Variants in SLC23A2 observed in about 807,000 individuals in gnomAD.
SLC23A2 encodes solute carrier family 23 member 2.
Under a neutral mutation model 73.3 loss-of-function variants are expected in SLC23A2, and 36 were observed. The ratio of observed to expected loss-of-function variants is 0.49; its 90% CI spans 0.38 to 0.65. SLC23A2 has a LOEUF of 0.65. Ranked by LOEUF, SLC23A2 falls within the 30% of genes least tolerant of loss-of-function variation. The probability of loss-of-function intolerance (pLI) is 0.00; values close to 1 mark genes in which losing one functional copy is unlikely to be tolerated. For missense variants in SLC23A2, 507 were observed against 841.6 expected, an observed-to-expected ratio of 0.60 and a Z score of 4.92; for synonymous variants, 343 against 327.3, an observed-to-expected ratio of 1.05 and a Z score of -0.52.
In SLC23A2 at chr20:4,862,963, G is replaced by GT. The variant is rs1930037520; in HGVS notation, c.1357-57dup. ...GGACTCATCTCCATGCAAAATCACC[G>GT]TAAGTTACTAAAGAACACACAGCAG... On this transcript the variant is annotated intron_variant, in intron 13 of 16. Coordinates refer to ENST00000338244, the MANE Select transcript of SLC23A2 (RefSeq NM_005116.6). This position sits in a 1 kb window ranked among gnomAD's most constrained non-coding sequence, Gnocchi z 5.1. The GT allele has an allele frequency of 3.3e-5, 51 of 1,565,346 alleles. No homozygotes were observed. The South Asian group carries it at 5.2e-4, about 16-fold the overall frequency.
intron 3 of SLC23A2, among the ~76,000 whole-genome samples, chr20:4,926,510 C>CTTTTTTTTTTTTTTTTTT (rs3055953): frequency 5.7e-5 from 6 of 105,046 alleles, no homozygotes; most frequent in Admixed American, 9.7e-5. Flanking sequence ...ATTTTTTTTG[C>CTTTTTTTTTTTTTTTTTT]TTTTTTTTTT....
intron 3 of SLC23A2, among the ~76,000 whole-genome samples, chr20:4,917,819 G>A (rs886384160): frequency 6.6e-6 from 1 of 152,140 alleles, no homozygotes; most frequent in African/African-American, 2.4e-5. Context: ...AAATGCTCTT[G>A]TCTGACTGGC....
chr20:4,993,094 C>T (rs6139598), intron 1 of SLC23A2, among the ~76,000 whole-genome samples: 52,267 of 151,178 alleles, frequency 0.35, 9,747 homozygotes, highest in Admixed American at 0.41. Flanking sequence ...CTGGCCAACA[C>T]AGTGAAACCC....
intron 3 of SLC23A2, among the ~76,000 whole-genome samples, chr20:4,920,116 C>T (rs898386139): frequency 1.1e-4 from 17 of 152,230 alleles, no homozygotes; most frequent in African/African-American, 3.6e-4. Flanking sequence ...CAAAAGTTAG[C>T]TGGGCATGGA....
intron 3 of SLC23A2, among the ~76,000 whole-genome samples, chr20:4,930,081 C>T (rs570681356): frequency 4.6e-5 from 7 of 152,156 alleles, no homozygotes; most frequent in African/African-American, 9.7e-5. Context: ...CAACTGCTAA[C>T]GATAAAATAC....
At chr20:4,932,879 T>G (rs780082533) in intron 2 of SLC23A2, among the ~76,000 whole-genome samples, 163 bp from the exon 3 acceptor site, 14 of 152,206 alleles carry the variant, frequency 9.2e-5, no homozygotes, top group Non-Finnish European at 2.1e-4. Context: ...CAACACCTTC[T>G]TTATTTATAG....
intron 3 of SLC23A2, among the ~76,000 whole-genome samples, chr20:4,921,577 C>T (rs1055452640): frequency 1.3e-5 from 2 of 150,528 alleles, no homozygotes; most frequent in African/African-American, 4.9e-5. Context: ...CAGAGTGAGA[C>T]CCTGTCTCAA....
At chr20:4,983,913 G>C (rs187549435) in intron 1 of SLC23A2, among the ~76,000 whole-genome samples, 2 of 150,866 alleles carry the variant, frequency 1.3e-5, no homozygotes, top group Admixed American at 6.6e-5. Flanking sequence ...CCAAGATCGC[G>C]CCATTGCACT....
In SLC23A2 at chr20:4,868,251, T is replaced by G. The variant is rs1290883641; in HGVS notation, c.1251-376A>C. On this transcript the variant is annotated intron_variant, in intron 12 of 16. Transcript: ENST00000338244. The surrounding 1 kb of genome is among the most constrained non-coding windows in gnomAD (Gnocchi z 4.4). ...ACCATGCCTGGCTAATTTTTGTATT[T>G]TTAGTAGAGACGGGGTTTCACCATG... Among the ~76,000 whole-genome samples, 1 of 152,090 alleles carries G rather than the reference T, an allele frequency of 6.6e-6. No homozygotes were observed. The highest frequency in any genetic ancestry group is 1.5e-5 in the Non-Finnish European group (1 of 68,012).
At chr20:4,950,543 T>A (rs1009597781) in intron 2 of SLC23A2, among the ~76,000 whole-genome samples, 2 of 152,162 alleles carry the variant, frequency 1.3e-5, no homozygotes, top group African/African-American at 2.4e-5. Flanking sequence ...AAGTGATGCA[T>A]GCACACTGAC....
chr20:4,963,353 A>C (rs1024767545), intron 2 of SLC23A2, among the ~76,000 whole-genome samples: 1 of 152,092 alleles, frequency 6.6e-6, no homozygotes, highest in African/African-American at 2.4e-5. Flanking sequence ...GTATATACCT[A>C]AAGATGTATC....
At chr20:5,001,906 A>G (rs925454456), upstream of SLC23A2, among the ~76,000 whole-genome samples, 35 of 152,016 alleles carry the variant, frequency 2.3e-4, no homozygotes, top group African/African-American at 8.0e-4. Context: ...CATTGGGCTC[A>G]GTGGGTTGGA....
intron 2 of SLC23A2, among the ~76,000 whole-genome samples, chr20:4,960,286 G>A (rs1485615321): frequency 6.6e-6 from 1 of 152,164 alleles, no homozygotes; most frequent in African/African-American, 2.4e-5. Flanking sequence ...TGAATAAACA[G>A]GAATTCCTGT....
intron 1 of SLC23A2, among the ~76,000 whole-genome samples, chr20:4,978,058 C>A (rs1241416202): frequency 6.6e-6 from 1 of 152,028 alleles, no homozygotes. Context: ...ATTAAAGACA[C>A]CTTTCCTAAT....
intron 2 of SLC23A2, among the ~76,000 whole-genome samples, chr20:4,943,465 C>G (rs2087073542): frequency 6.6e-6 from 1 of 150,736 alleles, no homozygotes; most frequent in Non-Finnish European, 1.5e-5. Flanking sequence ...CCCAGGAGTT[C>G]AAGACCAGCC....
Position 4,857,218 on chromosome 20 carries a change from C to T in SLC23A2, c.1721-14G>A. 1 of 1,491,580 alleles carries T rather than the reference C, an allele frequency of 6.7e-7. No homozygotes were observed. The highest frequency in any genetic ancestry group is 9.2e-7 in the Non-Finnish European group (1 of 1,088,892). The allele number at this position is 1,491,580 out of a possible 1,614,324, so 92.4% of individuals were successfully genotyped here. On this transcript the variant is annotated splice_polypyrimidine_tract_variant and intron_variant, in intron 16 of 16. Transcript: ENST00000338244. This position sits in a 1 kb window ranked among gnomAD's most constrained non-coding sequence, Gnocchi z 4.0. The stretch of plus-strand genomic sequence containing the variant: ...CCTCTGGAGTGCCTGTCACACATCC[C>T]AAGATAGAACAAAGGAATGCTTCGT...
At chr20:4,905,773 A>C (rs1311192616) in intron 4 of SLC23A2, among the ~76,000 whole-genome samples, 1 of 152,208 alleles carries the variant, frequency 6.6e-6, no homozygotes, top group African/African-American at 2.4e-5. Flanking sequence ...CATACAGTAA[A>C]TATTTCAAGC....
chr20:5,003,272 T>C (rs1409704011), upstream of SLC23A2, among the ~76,000 whole-genome samples: 2 of 152,022 alleles, frequency 1.3e-5, no homozygotes, highest in African/African-American at 4.8e-5. Context: ...TAGTCCCAGC[T>C]ACTCGGGAGG....
rs529977942 is a variant in SLC23A2 at position 4,947,172 on chromosome 20, C to T, written c.-154-14456G>A. ...CATGGTTCCCAGCTTCCTGTCCGCT[C>T]CCCACCAGAATGAGATGGCAGCAGG... On this transcript the variant is annotated intron_variant, in intron 2 of 16. Transcript: ENST00000338244. The surrounding 1 kb of genome is among the most constrained non-coding windows in gnomAD (Gnocchi z 4.4). Among the ~76,000 whole-genome samples the T allele has an allele frequency of 5.9e-5, 9 of 152,196 alleles. No individual in the cohort carries two copies. Among genetic ancestry groups the T allele is most frequent in the African/African-American group, 1.9e-4 (8 of 41,524 alleles).
Sources: gnomAD v4.1 joint callset for allele counts (sites outside exome capture counted in the v4.1 genomes callset) on GRCh38, gnomAD v4.1.1 for gene constraint, Gnocchi (gnomAD v3.1) non-coding constraint, MANE v1.5 for transcripts, NCBI Gene and HGNC (gene_info 2026-07-23, HGNC 2026-07-21) for gene names.